The following NDST3 variants were observed in gnomAD, a reference collection of about 807,000 sequenced individuals.
The protein encoded by NDST3 is N-deacetylase and N-sulfotransferase 3, also known as bifunctional heparan sulfate N-deacetylase/N-sulfotransferase 3.
NDST3 carries 58 observed loss-of-function variants against 96.1 expected under a neutral mutation model. The observed-to-expected ratio is 0.60, with a 90% confidence interval of 0.49 to 0.75. The LOEUF (loss-of-function observed/expected upper bound fraction) is 0.75. NDST3 is among the 30% of genes least tolerant of loss of function. NDST3 has a pLI of 0.00. For synonymous variants in NDST3, 333 were observed against 359.7 expected, an observed-to-expected ratio of 0.93 and a Z score of 0.84; for missense variants, 788 against 1,034.2, an observed-to-expected ratio of 0.76 and a Z score of 3.27.
chr4:118,091,430 G>T (rs974693206), intron 2 of NDST3, among the ~76,000 whole-genome samples: 5 of 151,798 alleles, frequency 3.3e-5, no homozygotes, highest in African/African-American at 1.2e-4. Context: ...AGGGTCTCAG[G>T]AGTATGAGGG....
intron 12 of NDST3, among the ~76,000 whole-genome samples, chr4:118,245,918 AACTC>A (rs1274296426): frequency 6.6e-6 from 1 of 152,196 alleles, no homozygotes; most frequent in Non-Finnish European, 1.5e-5. Flanking sequence ...GCAGGATTGA[AACTC>A]AATCAGTTAT....
At chr4:118,195,812 T>C (rs1013527090) in intron 6 of NDST3, among the ~76,000 whole-genome samples, 4 of 152,226 alleles carry the variant, frequency 2.6e-5, no homozygotes, top group Non-Finnish European at 5.9e-5. Flanking sequence ...ACGTGACTTC[T>C]TCCTTTCCAG....
At chr4:118,169,519 C>T (rs1397860575) in intron 6 of NDST3, among the ~76,000 whole-genome samples, 1 of 152,116 alleles carries the variant, frequency 6.6e-6, no homozygotes, top group African/African-American at 2.4e-5. Context: ...GTGGGCCGGG[C>T]ACAGTGGCTC....
rs147525989 is a variant in NDST3 at position 118,158,030 on chromosome 4, T to C, written c.1539+14346T>C. Reference sequence around the variant, plus strand: ...TCAGATAGAAAAAAATAAATGAATATATTGATGCTGTTGGGAACTGAGTTT... The same window carrying C: ...TCAGATAGAAAAAAATAAATGAATACATTGATGCTGTTGGGAACTGAGTTT... On this transcript the variant is annotated intron_variant, in intron 6 of 13. Transcript: ENST00000296499. 1.8e-4 allele frequency among the ~76,000 whole-genome samples: 27 copies of C among 152,208 alleles called. No individual in the cohort carries two copies. The East Asian group carries it at 4.6e-3, about 26-fold the overall frequency.
intron 3 of NDST3, among the ~76,000 whole-genome samples, chr4:118,114,465 A>T (rs985530989): frequency 1.3e-5 from 2 of 152,176 alleles, no homozygotes; most frequent in Non-Finnish European, 1.5e-5. Context: ...CCTAAATTAC[A>T]TTTCCTACTT....
intron 6 of NDST3, among the ~76,000 whole-genome samples, chr4:118,163,055 C>A (rs1464293703): frequency 3.9e-5 from 6 of 152,002 alleles, no homozygotes; most frequent in African/African-American, 1.4e-4. Flanking sequence ...AATGAGATAC[C>A]ATCTCACACC....
chr4:118,193,566 A>C lies in NDST3; in HGVS notation c.1540-30925A>C, dbSNP rs1214448540. On this transcript the variant is annotated intron_variant, in intron 6 of 13. Transcript: ENST00000296499. The stretch of plus-strand genomic sequence containing the variant: ...GTGTTGGCGTAGAGCGTCTTCTCCC[A>C]GGCAAGCTGCCTGCAGATCTGCTGC... The C allele has an allele frequency of 7.3e-6, 8 of 1,090,404 alleles. No homozygotes were observed. The East Asian group carries it at 1.9e-4, about 26-fold the overall frequency. 67.5% of individuals were successfully genotyped at this position (1,090,404 alleles called of 1,614,324 possible). A position where few individuals can be genotyped will look rare whatever the true frequency, so the allele number is the denominator to read the frequency against.
chr4:118,222,003 A>T (rs907584612), intron 6 of NDST3, among the ~76,000 whole-genome samples: 2 of 151,642 alleles, frequency 1.3e-5, no homozygotes, highest in African/African-American at 4.8e-5. Context: ...AAAAAAAAAA[A>T]AACAAAAATA....
intron 2 of NDST3, among the ~76,000 whole-genome samples, chr4:118,073,464 T>G (rs1308442088): frequency 1.3e-5 from 2 of 152,128 alleles, no homozygotes; most frequent in South Asian, 4.1e-4. Context: ...GTTGCATGTT[T>G]CCAGACATTT....
intron 6 of NDST3, among the ~76,000 whole-genome samples, chr4:118,212,412 C>T (rs1446953439): frequency 1.3e-5 from 2 of 152,082 alleles, no homozygotes; most frequent in Admixed American, 6.5e-5. Flanking sequence ...TGGCTGTATG[C>T]ACCTGTGGTC....
At chr4:118,060,250 G>A (rs1270670994) in intron 2 of NDST3, among the ~76,000 whole-genome samples, 3 of 151,918 alleles carry the variant, frequency 2.0e-5, no homozygotes, top group Non-Finnish European at 4.4e-5. Flanking sequence ...ATATTTTGAA[G>A]CTATGTTAAG....
intron 2 of NDST3, among the ~76,000 whole-genome samples, chr4:118,076,926 G>C (rs1727593351): frequency 6.6e-6 from 1 of 152,160 alleles, no homozygotes; most frequent in African/African-American, 2.4e-5. Context: ...GTGAGCTGAT[G>C]ATCATTTAGT....
At chr4:118,187,969 G>A (rs1737074563) in intron 6 of NDST3, among the ~76,000 whole-genome samples, 1 of 152,074 alleles carries the variant, frequency 6.6e-6, no homozygotes, top group Non-Finnish European at 1.5e-5. Flanking sequence ...GATTATTAAG[G>A]GGTTGATTGT....
chr4:118,094,799 A>C (rs1476059641), intron 2 of NDST3, among the ~76,000 whole-genome samples: 2 of 151,866 alleles, frequency 1.3e-5, no homozygotes, highest in Admixed American at 1.3e-4. Flanking sequence ...AATAGCTCTA[A>C]GGGTAAGAGC....
chr4:118,098,778 A>G (rs1729545678), intron 2 of NDST3, among the ~76,000 whole-genome samples: 1 of 152,082 alleles, frequency 6.6e-6, no homozygotes, highest in Non-Finnish European at 1.5e-5. Context: ...AAATACCAAG[A>G]AGGGTTTATA....
chr4:118,237,102 A>G lies in NDST3; in HGVS notation c.2000A>G (p.Lys667Arg), dbSNP rs143821890. 2 of 1,612,466 alleles carry G rather than the reference A, an allele frequency of 1.2e-6. No homozygotes were observed. The highest frequency in any genetic ancestry group is 2.7e-5 in the African/African-American group (2 of 74,954). Reference protein sequence around the residue: ...SNVTTDFLFEKSANYFHSEEA... With the variant: ...SNVTTDFLFERSANYFHSEEA... ...GTCACTACCGACTTTTTGTTTGAGA[A>G]GAGTGCCAATTACTTCCACTCAGAG... Residue 667 changes from lysine to arginine, a missense_variant, in exon 10 of 14, where the codon AAG (lysine) becomes AGG (arginine). Lys to Arg is a conservative substitution (Grantham distance 26). Around this residue, in one of 3 missense-constraint regions of NDST3, gnomAD observed 490 missense variants for 708.8 expected, o/e 0.69. Transcript: ENST00000296499.
At chr4:118,038,881 G>T (rs2892784) in intron 1 of NDST3, among the ~76,000 whole-genome samples, 384 of 152,124 alleles carry the variant, frequency 2.5e-3, no homozygotes, top group South Asian at 4.1e-3. Context: ...ATTTCATTTA[G>T]AAATTGATTT....
chr4:118,042,782 C>G (rs181535891), intron 1 of NDST3, among the ~76,000 whole-genome samples: 1 of 152,320 alleles, frequency 6.6e-6, no homozygotes, highest in African/African-American at 2.4e-5. Flanking sequence ...TCCTCATATC[C>G]AAACCCAGTG....
At chr4:118,047,528 T>C (rs1475444224) in intron 1 of NDST3, among the ~76,000 whole-genome samples, 1 of 152,216 alleles carries the variant, frequency 6.6e-6, no homozygotes, top group East Asian at 1.9e-4. Context: ...AGATGAAATA[T>C]GAAATATCCA....
Sources: allele counts gnomAD v4.1 joint callset (sites outside exome capture counted in the v4.1 genomes callset), GRCh38; gene constraint gnomAD v4.1.1; regional missense constraint gnomAD v4.1.1; transcripts MANE v1.5; gene names NCBI Gene and HGNC (gene_info 2026-07-23, HGNC 2026-07-21).